Variants in MAGI2 observed in about 807,000 individuals in gnomAD.
MAGI2 encodes the protein membrane associated guanylate kinase, WW and PDZ domain containing 2, also known as membrane-associated guanylate kinase, WW and PDZ domain-containing protein 2.
A neutral mutation model predicts 133.3 loss-of-function variants in MAGI2; 35 were observed. The ratio of observed to expected loss-of-function variants is 0.26; its 90% CI spans 0.20 to 0.35. The LOEUF is 0.35. Among genes scored for constraint, MAGI2 ranks in the 10% least tolerant of loss-of-function variants. The probability of loss-of-function intolerance (pLI) is 1.00; values close to 1 mark genes in which losing one functional copy is unlikely to be tolerated. For synonymous variants in MAGI2, 729 were observed against 710.6 expected, an observed-to-expected ratio of 1.03 and a Z score of -0.41; for missense variants, 1,636 against 1,863.4, an observed-to-expected ratio of 0.88 and a Z score of 2.25.
chr7:78,178,235 T>C (rs1212974887), intron 13 of MAGI2, 133 bp from the exon 14 acceptor site: 13 of 564,134 alleles, frequency 2.3e-5, no homozygotes, highest in Non-Finnish European at 3.8e-5. Flanking sequence ...ATGGAAACCA[T>C]AGAGGATACA....
intron 14 of MAGI2, among the ~76,000 whole-genome samples, chr7:78,169,846 A>G (rs1324452854): frequency 6.6e-6 from 1 of 152,212 alleles, no homozygotes; most frequent in African/African-American, 2.4e-5. Context: ...GAAGTTGGGT[A>G]TGCTCTGATA....
intron 20 of MAGI2, among the ~76,000 whole-genome samples, chr7:78,081,676 A>G (rs1359506272): frequency 6.6e-6 from 1 of 152,192 alleles, no homozygotes; most frequent in Non-Finnish European, 1.5e-5. Flanking sequence ...AGTTTATTAT[A>G]CTGTTCAGGA....
At chr7:78,559,920 A>G (rs966471220) in intron 3 of MAGI2, among the ~76,000 whole-genome samples, 5 of 152,162 alleles carry the variant, frequency 3.3e-5, no homozygotes, top group Non-Finnish European at 7.4e-5. Context: ...CAGTCCTACA[A>G]GGAAGAAAAT....
At chr7:78,670,624 A>G (rs1814259509) in intron 2 of MAGI2, among the ~76,000 whole-genome samples, 1 of 152,192 alleles carries the variant, frequency 6.6e-6, no homozygotes, top group African/African-American at 2.4e-5. Context: ...GTCAATCCTA[A>G]GCCAAAAGAA....
At chr7:78,496,131 A>C (rs1794067819) in intron 5 of MAGI2, among the ~76,000 whole-genome samples, 1 of 152,216 alleles carries the variant, frequency 6.6e-6, no homozygotes. Context: ...ATTTAATTAA[A>C]ACTTAAGGAG....
chr7:79,183,740 G>A (rs1035640272), intron 1 of MAGI2, among the ~76,000 whole-genome samples: 2 of 151,842 alleles, frequency 1.3e-5, no homozygotes, highest in Non-Finnish European at 2.9e-5. Flanking sequence ...CAACTTAAGT[G>A]TCCATCAGTA....
At chr7:78,958,488 TCA>T (rs1416935336) in intron 2 of MAGI2, among the ~76,000 whole-genome samples, 1 of 152,156 alleles carries the variant, frequency 6.6e-6, no homozygotes, top group Non-Finnish European at 1.5e-5. Context: ...TTCTTGCCAA[TCA>T]TAACTCAATG....
intron 1 of MAGI2, among the ~76,000 whole-genome samples, chr7:79,389,225 A>G (rs1460969952): frequency 6.6e-6 from 1 of 152,058 alleles, no homozygotes; most frequent in Non-Finnish European, 1.5e-5. Context: ...ACATTGACAG[A>G]TATCAAGGAC....
intron 3 of MAGI2, among the ~76,000 whole-genome samples, chr7:78,555,194 ATG>A (rs1563162731): frequency 3.5e-5 from 2 of 56,718 alleles, no homozygotes; most frequent in Non-Finnish European, 1.0e-4. Context: ...GGACGGTTGG[ATG>A]GATGGATAGA....
intron 1 of MAGI2, among the ~76,000 whole-genome samples, chr7:79,269,759 A>G (rs1164918208): frequency 6.6e-6 from 1 of 152,180 alleles, no homozygotes; most frequent in Non-Finnish European, 1.5e-5. Context: ...AATTTAGCAG[A>G]AATTTAGTTT....
chr7:78,687,303 A>G (rs1481340083), intron 2 of MAGI2, among the ~76,000 whole-genome samples: 5 of 152,122 alleles, frequency 3.3e-5, no homozygotes, highest in Non-Finnish European at 5.9e-5. Context: ...TCATGTGTCA[A>G]CTCTTTGGGT....
chr7:78,143,862 T>A (rs1193798479), intron 16 of MAGI2, among the ~76,000 whole-genome samples: 1 of 152,050 alleles, frequency 6.6e-6, no homozygotes, highest in African/African-American at 2.4e-5. Flanking sequence ...AAAACTGCTA[T>A]ATGATCTTAT....
Position 78,784,261 on chromosome 7 carries a change from A to G in MAGI2, c.419-157022T>C, listed in dbSNP as rs139810722. Among the ~76,000 whole-genome samples the G allele has an allele frequency of 7.4e-3, 1,116 of 150,936 alleles. 16 individuals are homozygous for G. The highest frequency in any genetic ancestry group is 0.026 in the African/African-American group (1,069 of 41,012). On this transcript the variant is annotated intron_variant, in intron 2 of 21. Coordinates refer to ENST00000354212, the MANE Select transcript of MAGI2 (RefSeq NM_012301.4). ...AGGAAACAATATCCCAAAGTATGGC[A>G]TGTTGGCATGCTGAGTACTTTGGAA...
At chr7:78,352,785 C>T (rs776960317) in intron 7 of MAGI2, 1 of 152,130 alleles carries the variant, frequency 6.6e-6, no homozygotes, top group Non-Finnish European at 1.5e-5. Flanking sequence ...GAGATCTCTT[C>T]CCTCCCTCGG....
intron 6 of MAGI2, among the ~76,000 whole-genome samples, chr7:78,469,956 A>G (rs1207758658): frequency 6.6e-6 from 1 of 152,142 alleles, no homozygotes; most frequent in Non-Finnish European, 1.5e-5. Context: ...TAGTCAATAA[A>G]TCTCATGCAG....
intron 1 of MAGI2, among the ~76,000 whole-genome samples, chr7:79,013,761 T>A (rs1808415936): frequency 6.6e-6 from 1 of 152,170 alleles, no homozygotes; most frequent in Non-Finnish European, 1.5e-5. Flanking sequence ...AATCACTGCA[T>A]GCATTTGATC....
chr7:78,106,467 C>T (rs1167651145), intron 20 of MAGI2, among the ~76,000 whole-genome samples: 1 of 152,092 alleles, frequency 6.6e-6, no homozygotes, highest in East Asian at 1.9e-4. Context: ...AATTTACATT[C>T]CCACCAACAG....
At chr7:78,387,265 G>A (rs575754002) in intron 6 of MAGI2, among the ~76,000 whole-genome samples, 1 of 152,274 alleles carries the variant, frequency 6.6e-6, no homozygotes, top group East Asian at 1.9e-4. Context: ...TGAGGACTCA[G>A]GGTGTGAAGT....
chr7:78,272,762 C>A (rs906005462), intron 9 of MAGI2, among the ~76,000 whole-genome samples: 1 of 152,136 alleles, frequency 6.6e-6, no homozygotes, highest in African/African-American at 2.4e-5. Flanking sequence ...AGGATTGCAA[C>A]CCCTGCTTTT....
Sources: allele counts gnomAD v4.1 joint callset (sites outside exome capture counted in the v4.1 genomes callset), GRCh38; gene constraint gnomAD v4.1.1; transcripts MANE v1.5; gene names NCBI Gene and HGNC (gene_info 2026-07-23, HGNC 2026-07-21).